Variants in KDM2A observed in about 807,000 individuals in gnomAD.
KDM2A encodes the protein lysine-specific demethylase 2A.
A neutral mutation model predicts 137.3 loss-of-function variants in KDM2A; 3 were observed. The observed-to-expected ratio is 0.02, with a 90% confidence interval of 0.01 to 0.06. The LOEUF (loss-of-function observed/expected upper bound fraction) is 0.06. Among genes scored for constraint, KDM2A ranks in the 10% least tolerant of loss-of-function variants. The probability of loss-of-function intolerance (pLI) is 1.00; values close to 1 mark genes in which losing one functional copy is unlikely to be tolerated. For synonymous variants in KDM2A, 512 were observed against 541.5 expected (o/e 0.95, Z 0.76); for missense variants, 738 against 1,510.6 (o/e 0.49, Z 8.48).
intron 2 of KDM2A, among the ~76,000 whole-genome samples, chr11:67,147,656 A>G (rs1025997569): frequency 3.3e-5 from 5 of 151,306 alleles, no homozygotes; most frequent in Non-Finnish European, 7.4e-5. Flanking sequence ...TTCTCTGGAG[A>G]CTGAGTAGTT....
chr11:67,236,626 GCCTGCCAATCATACTTTGTGA>G (rs1228037066), intron 12 of KDM2A, among the ~76,000 whole-genome samples: 11 of 152,156 alleles, frequency 7.2e-5, no homozygotes, highest in African/African-American at 2.6e-4. Flanking sequence ...ATTTTGATAA[GCCTGCCAATCATACTTTGTGA>G]CTTTTGGGTA....
chr11:67,187,192 C>T (rs2136344112), intron 5 of KDM2A, among the ~76,000 whole-genome samples: 1 of 152,056 alleles, frequency 6.6e-6, no homozygotes, highest in Non-Finnish European at 1.5e-5. Context: ...ACACATTTCA[C>T]CAAATAAATG....
rs928523912 is a variant in KDM2A, at chr11:67,138,725, G to A, written c.42+17367G>A. ...GAACCTGGGAGGTGGAGGTTACAGC[G>A]AGCCAAGATTGTGCCACTACATTCT... is the stretch of plus-strand genomic sequence containing the variant. On this transcript the variant is annotated intron_variant, in intron 2 of 20. Transcript: ENST00000529006. Among the ~76,000 whole-genome samples the A allele has an allele frequency of 9.2e-5, 14 of 152,164 alleles. 2 individuals are homozygous for A. Among genetic ancestry groups the A allele is most frequent in the Admixed American group, 8.5e-4 (13 of 15,270 alleles).
chr11:67,244,343 A>G (rs893818113), intron 13 of KDM2A, among the ~76,000 whole-genome samples: 10 of 152,360 alleles, frequency 6.6e-5, no homozygotes, highest in South Asian at 2.1e-4. Context: ...AGTGTCTGCT[A>G]TCTACCAGTT....
At chr11:67,242,116 G>T (rs950198428) in intron 12 of KDM2A, among the ~76,000 whole-genome samples, 2 of 152,096 alleles carry the variant, frequency 1.3e-5, no homozygotes, top group African/African-American at 2.4e-5. Context: ...CAAAATAACA[G>T]TCAACCAGTG....
At position 67,228,074 on chromosome 11, in the gene KDM2A, T is replaced by C. The variant is rs374416562; in HGVS notation, c.995T>C (p.Met332Thr). Residue 332 changes from methionine (M) to threonine (T), a missense_variant, in exon 11 of 21, where the codon ATG (methionine) becomes ACG (threonine). This residue lies in a region of KDM2A where 43 missense variants were observed against 254.6 expected (regional missense o/e 0.17). Coordinates refer to ENST00000529006, the MANE Select transcript of KDM2A (RefSeq NM_012308.3). ...TTTCGCTATCCATTCTACTATGAGA[T>C]GTGTTGGTATGTGTTGGAGCGCTAT... is the stretch of plus-strand genomic sequence containing the variant. ...NKFRYPFYYE[M>T]CWYVLERYVY... 5 of 1,612,574 alleles carry C rather than the reference T, an allele frequency of 3.1e-6. No individual in the cohort carries two copies. Among genetic ancestry groups the C allele is most frequent in the Non-Finnish European group, 3.4e-6 (4 of 1,178,580 alleles).
rs564957139 is a variant in KDM2A, at chr11:67,248,007, G to A, written c.1966-274G>A. 2.6e-5 allele frequency among the ~76,000 whole-genome samples: 4 copies of A among 152,336 alleles called. No homozygotes were observed. The East Asian group carries it at 7.7e-4, about 29-fold the overall frequency. ...TCTGTGTATTAGTTCCTGAGGGAAA[G>A]TGAAGGTAATAATATCAGCCAACAT... On this transcript the variant is annotated intron_variant, in intron 15 of 20. Coordinates refer to ENST00000529006, the MANE Select transcript of KDM2A (RefSeq NM_012308.3).
intron 16 of KDM2A, 124 bp from the exon 17 acceptor site, chr11:67,249,962 C>T (rs1859357237): frequency 1.6e-6 from 1 of 627,532 alleles, no homozygotes; most frequent in Non-Finnish European, 2.3e-6. Flanking sequence ...GAGGGAATGA[C>T]CCCCTCTCCA....
chr11:67,208,586 A>G (rs1857883735), intron 6 of KDM2A, among the ~76,000 whole-genome samples: 1 of 151,982 alleles, frequency 6.6e-6, no homozygotes, highest in Non-Finnish European at 1.5e-5. Context: ...CTTGGCCAAC[A>G]TGGCAAAACT....
intron 6 of KDM2A, among the ~76,000 whole-genome samples, chr11:67,214,062 C>T (rs191788448): frequency 7.2e-4 from 109 of 151,980 alleles, no homozygotes; most frequent in African/African-American, 2.4e-3. Flanking sequence ...TTTTTTGAGA[C>T]GGCGTTTCGC....
At chr11:67,249,110 G>C (rs1859331379) in intron 16 of KDM2A, among the ~76,000 whole-genome samples, 1 of 152,192 alleles carries the variant, frequency 6.6e-6, no homozygotes, top group Non-Finnish European at 1.5e-5. Context: ...CTTCCCACTT[G>C]GATACTAAGA....
rs151044827 is a variant in KDM2A, at chr11:67,121,325, C to T, written c.9C>T (p.Pro3=). The change falls in exon 2 of 21, where the codon CCC becomes CCT. Residue 3 remains proline (P), a synonymous_variant. Coordinates refer to ENST00000529006, the MANE Select transcript of KDM2A (RefSeq NM_012308.3). The part of the protein sequence containing the change: ME[P]EEERIRYSQR... ...CAACAGAAGAGTGAGAGATGGAACC[C>T]GAAGAAGAAAGGATTCGTTACAGCC... is the stretch of plus-strand genomic sequence containing the variant. 1.9e-6 allele frequency: 3 copies of T among 1,613,708 alleles called. No homozygotes were observed. The East Asian group carries it at 6.7e-5, about 36-fold the overall frequency.
At chr11:67,227,930 G>A in intron 10 of KDM2A, 107 bp from the exon 11 acceptor site, 1 of 1,193,168 alleles carries the variant, frequency 8.4e-7, no homozygotes, top group Non-Finnish European at 1.2e-6. Context: ...TGGGTTTGCA[G>A]GTTGACTGGT....
chr11:67,161,949 A>C (rs543503445), intron 2 of KDM2A, among the ~76,000 whole-genome samples: 1 of 152,160 alleles, frequency 6.6e-6, no homozygotes, highest in East Asian at 1.9e-4. Context: ...TTTTTCAGAG[A>C]TTCAACTCAG....
At chr11:67,198,553 A>G (rs936588006) in intron 5 of KDM2A, among the ~76,000 whole-genome samples, 2 of 151,848 alleles carry the variant, frequency 1.3e-5, no homozygotes, top group Non-Finnish European at 2.9e-5. Context: ...TACTAAAAAC[A>G]CAAAAAATTA....
intron 2 of KDM2A, among the ~76,000 whole-genome samples, chr11:67,171,197 C>T (rs909360213): frequency 1.3e-5 from 2 of 152,104 alleles, no homozygotes; most frequent in African/African-American, 4.8e-5. Context: ...ATTTGTGATA[C>T]ATAGAAGTTG....
intron 2 of KDM2A, among the ~76,000 whole-genome samples, chr11:67,151,578 T>C (rs1467399260): frequency 6.6e-6 from 1 of 152,002 alleles, no homozygotes; most frequent in East Asian, 1.9e-4. Context: ...CTTGAACTCC[T>C]GACCTCAGGT....
Position 67,254,105 on chromosome 11 carries a change from A to G in KDM2A, c.3092-98A>G, listed in dbSNP as rs567461425. 1.1e-5 allele frequency: 12 copies of G among 1,104,354 alleles called. No individual in the cohort carries two copies. The African/African-American group carries it at 1.2e-4, about 11-fold the overall frequency. 68.4% of individuals were successfully genotyped at this position (1,104,354 alleles called of 1,614,324 possible). ...TGGGCAGTTCTACTTAACCCCTTCA[A>G]GGGGGCCTGGCCAGCAAGTAGCTGT... On this transcript the variant is annotated intron_variant, in intron 19 of 20. Coordinates refer to ENST00000529006, the MANE Select transcript of KDM2A (RefSeq NM_012308.3). This position sits in a 1 kb window ranked among gnomAD's most constrained non-coding sequence, Gnocchi z 4.7.
In KDM2A at chr11:67,255,921, C is replaced by T. The variant is rs1211904084; in HGVS notation, c.*866C>T. On this transcript the variant is annotated 3_prime_UTR_variant, in exon 21 of 21. Coordinates refer to ENST00000529006, the MANE Select transcript of KDM2A (RefSeq NM_012308.3). Reference sequence around the variant, plus strand: ...GTGTCTTCATTCTGCCTGAAGAAGGCTTTCCCAGGATGCACGTCCTCAGAG... The same window carrying T: ...GTGTCTTCATTCTGCCTGAAGAAGGTTTTCCCAGGATGCACGTCCTCAGAG... The T allele has an allele frequency of 4.2e-6, 1 of 236,902 alleles. No individual in the cohort carries two copies. The highest frequency in any genetic ancestry group is 8.6e-6 in the Non-Finnish European group (1 of 116,884). 14.7% of individuals were successfully genotyped at this position (236,902 alleles called of 1,614,324 possible).
Sources: gnomAD v4.1 joint callset for allele counts (sites outside exome capture counted in the v4.1 genomes callset) on GRCh38, gnomAD v4.1.1 for gene constraint, gnomAD v4.1.1 regional missense constraint, Gnocchi (gnomAD v3.1) non-coding constraint, MANE v1.5 for transcripts, NCBI Gene and HGNC (gene_info 2026-07-23, HGNC 2026-07-21) for gene names.